TTLL11: variants seen among roughly 807,000 people sequenced by gnomAD.
TTLL11 encodes the protein tubulin tyrosine ligase like 11.
TTLL11 carries 42 observed loss-of-function variants against 51.7 expected under a neutral mutation model. The observed-to-expected ratio is 0.81, with a 90% CI of 0.64 to 1.05. The LOEUF is 1.05. Among genes scored for constraint, TTLL11 ranks in the 50% least tolerant of loss-of-function variants. TTLL11 has a pLI of 0.00. For missense variants in TTLL11, 799 were observed against 940.4 expected (o/e 0.85, Z 1.97); for synonymous variants, 381 against 383.5 (o/e 0.99, Z 0.08).
chr9:122,019,610 C>T (rs12348794), intron 3 of TTLL11, among the ~76,000 whole-genome samples: 6,652 of 152,184 alleles, frequency 0.044, 173 homozygotes, highest in African/African-American at 0.074. Flanking sequence ...CCACCACACC[C>T]GGTAAATCGT....
intron 2 of TTLL11, among the ~76,000 whole-genome samples, chr9:122,036,017 C>G (rs1349207316): frequency 6.6e-6 from 1 of 152,160 alleles, no homozygotes; most frequent in Non-Finnish European, 1.5e-5. Context: ...CAGGCCCATC[C>G]ATCCTGGAGG....
At chr9:122,032,114 T>A (rs962071514) in intron 2 of TTLL11, among the ~76,000 whole-genome samples, 6 of 152,222 alleles carry the variant, frequency 3.9e-5, no homozygotes, top group Non-Finnish European at 7.3e-5. Flanking sequence ...GGAATGAGTT[T>A]TCACCTAGTT....
chr9:121,826,513 A>ATATATATGTG lies in TTLL11; in HGVS notation c.1841-3635_1841-3634insCACATATATA, dbSNP rs1564260406. 6.7e-5 allele frequency among the ~76,000 whole-genome samples: 6 copies of ATATATATGTG among 89,134 alleles called. No homozygotes were observed. In the East Asian group the frequency reaches 1.0e-3, roughly 15 times the overall value. The allele number at this position is 89,134 out of a possible 152,430, so 58.5% of individuals were successfully genotyped here. ...TATATATGTGTGTGTATATATATAT[A>ATATATATGTG]TGTATATATATATATGTGTGTGTGT... On this transcript the variant is annotated intron_variant, in intron 8 of 8. Transcript: ENST00000321582.
chr9:122,058,760 T>C (rs1309038398), intron 1 of TTLL11, among the ~76,000 whole-genome samples: 2 of 152,370 alleles, frequency 1.3e-5, no homozygotes, highest in East Asian at 1.9e-4. Context: ...GTGCTTTCAC[T>C]AGCTCCTTGA....
chr9:121,944,143 T>C (rs1841584367), intron 6 of TTLL11, among the ~76,000 whole-genome samples: 1 of 152,224 alleles, frequency 6.6e-6, no homozygotes, highest in South Asian at 2.1e-4. Flanking sequence ...CCATGAATAA[T>C]CATTGAAGGA....
At chr9:121,847,816 C>CCATGCTGG (rs1837560377) in intron 8 of TTLL11, among the ~76,000 whole-genome samples, 2 of 152,076 alleles carry the variant, frequency 1.3e-5, no homozygotes, top group Non-Finnish European at 2.9e-5. Context: ...GCCAGCATTA[C>CCATGCTGG]CCTAATACCT....
At chr9:121,883,256 T>C (rs546655561) in intron 6 of TTLL11, among the ~76,000 whole-genome samples, 5 of 152,278 alleles carry the variant, frequency 3.3e-5, no homozygotes, top group African/African-American at 9.6e-5. Context: ...CTGGTTCTCT[T>C]CTGTAAAATG....
At chr9:121,922,325 T>C (rs1840574738) in intron 6 of TTLL11, among the ~76,000 whole-genome samples, 1 of 152,232 alleles carries the variant, frequency 6.6e-6, no homozygotes, top group Non-Finnish European at 1.5e-5. Flanking sequence ...TCTATACTTA[T>C]CATCTGTGGC....
chr9:121,828,879 C>T (rs911626711), intron 8 of TTLL11, among the ~76,000 whole-genome samples: 2 of 151,964 alleles, frequency 1.3e-5, no homozygotes, highest in African/African-American at 2.4e-5. Context: ...GCAGGAGGAT[C>T]GCTTGAGCCC....
At chr9:121,902,490 A>G (rs1031384505) in intron 6 of TTLL11, among the ~76,000 whole-genome samples, 1 of 152,128 alleles carries the variant, frequency 6.6e-6, no homozygotes, top group African/African-American at 2.4e-5. Context: ...TTTCTCACAG[A>G]CTGTTTCAAT....
At chr9:122,012,676 A>ATG (rs1388414351) in intron 3 of TTLL11, among the ~76,000 whole-genome samples, 3,823 of 144,372 alleles carry the variant, frequency 0.026, 162 homozygotes, top group African/African-American at 0.1. Context: ...ACACACACAC[A>ATG]CGCACACACA....
At chr9:122,011,079 T>C (rs938395684) in intron 3 of TTLL11, among the ~76,000 whole-genome samples, 2 of 152,204 alleles carry the variant, frequency 1.3e-5, no homozygotes, top group Non-Finnish European at 2.9e-5. Flanking sequence ...GTTTTCCCCA[T>C]ACTGTTCTTG....
intron 6 of TTLL11, among the ~76,000 whole-genome samples, chr9:121,952,457 A>C (rs892431659): frequency 1.3e-5 from 2 of 151,870 alleles, no homozygotes; most frequent in African/African-American, 2.4e-5. Context: ...AAAAAAAAAA[A>C]AAAAAACTGG....
intron 6 of TTLL11, among the ~76,000 whole-genome samples, chr9:121,964,154 C>A (rs1842327169): frequency 1.3e-5 from 2 of 151,598 alleles, no homozygotes; most frequent in South Asian, 4.2e-4. Context: ...GACCCCCGAC[C>A]CTGAAATAAA....
At chr9:121,909,611 A>G (rs1840045156) in intron 6 of TTLL11, among the ~76,000 whole-genome samples, 2 of 152,184 alleles carry the variant, frequency 1.3e-5, no homozygotes, top group African/African-American at 4.8e-5. Context: ...ATGGCAAATG[A>G]GTACCTACAT....
intron 6 of TTLL11, among the ~76,000 whole-genome samples, chr9:121,893,918 TGTAA>T (rs1482513043): frequency 1.3e-5 from 2 of 152,004 alleles, no homozygotes; most frequent in Non-Finnish European, 2.9e-5. Context: ...ATGAGAAAAA[TGTAA>T]GTATCATCTG....
At chr9:122,086,787 A>G (rs1264368873) in intron 1 of TTLL11, among the ~76,000 whole-genome samples, 1 of 152,254 alleles carries the variant, frequency 6.6e-6, no homozygotes, top group East Asian at 1.9e-4. Context: ...CACTTGAATT[A>G]TGGGTCAAAT....
At chr9:122,059,233 G>A (rs994024313) in intron 1 of TTLL11, among the ~76,000 whole-genome samples, 3 of 152,206 alleles carry the variant, frequency 2.0e-5, no homozygotes, top group Admixed American at 2.0e-4. Context: ...AACATTAATC[G>A]AATGCCTATC....
chr9:121,828,043 A>C (rs1836873655), intron 8 of TTLL11, among the ~76,000 whole-genome samples: 1 of 152,200 alleles, frequency 6.6e-6, no homozygotes, highest in Non-Finnish European at 1.5e-5. Context: ...TGAGAGTCTT[A>C]GCAGAAAGTG....
Sources: gnomAD v4.1 joint callset for allele counts (sites outside exome capture counted in the v4.1 genomes callset) on GRCh38, gnomAD v4.1.1 for gene constraint, MANE v1.5 for transcripts, NCBI Gene and HGNC (gene_info 2026-07-23, HGNC 2026-07-21) for gene names.